XKR4: variants seen among roughly 807,000 people sequenced by gnomAD.
XKR4 encodes XK-related protein 4.
Under a neutral mutation model 53.9 loss-of-function variants are expected in XKR4, and 12 were observed. The observed-to-expected ratio is 0.22, with a 90% confidence interval of 0.14 to 0.36. XKR4 has a LOEUF of 0.36. XKR4 is among the 10% of genes least tolerant of loss of function. The pLI, the probability that XKR4 is intolerant of heterozygous loss-of-function variation, is 1.00. For missense variants in XKR4, 799 were observed against 859.5 expected, an observed-to-expected ratio of 0.93 and a Z score of 0.88; for synonymous variants, 354 against 362.4, an observed-to-expected ratio of 0.98 and a Z score of 0.26.
At chr8:55,496,005 T>G (rs1157933725) in intron 2 of XKR4, among the ~76,000 whole-genome samples, 1 of 152,222 alleles carries the variant, frequency 6.6e-6, no homozygotes, top group African/African-American at 2.4e-5. Context: ...AACTTGAGAC[T>G]ATGAAGTCAG....
At chr8:55,456,202 CG>C (rs1805566914) in intron 2 of XKR4, among the ~76,000 whole-genome samples, 1 of 152,092 alleles carries the variant, frequency 6.6e-6, no homozygotes, top group Admixed American at 6.5e-5. Context: ...AAGGCCAAGG[CG>C]GGCGGATCAC....
At position 55,394,153 on chromosome 8, in the gene XKR4, C is replaced by A. The variant is rs138510588; in HGVS notation, c.1006+36276C>A. On this transcript the variant is annotated intron_variant, in intron 2 of 2. Coordinates refer to ENST00000327381, the MANE Select transcript of XKR4 (RefSeq NM_052898.2). ...AGAAAACCTAATTCTCAAAAGAAAACCAAACCAATTTTTACATTCACTATT... is the reference window on the plus strand; with the variant it reads ...AGAAAACCTAATTCTCAAAAGAAAAACAAACCAATTTTTACATTCACTATT... Among the ~76,000 whole-genome samples, 62 of 152,288 alleles carry A rather than the reference C, an allele frequency of 4.1e-4. 1 individual carries two copies. The highest frequency in any genetic ancestry group is 1.4e-3 in the African/African-American group (59 of 41,564).
intron 2 of XKR4, among the ~76,000 whole-genome samples, chr8:55,378,145 A>G (rs1804176979): frequency 6.6e-6 from 1 of 152,254 alleles, no homozygotes; most frequent in African/African-American, 2.4e-5. Flanking sequence ...TTGAAACAAG[A>G]CTACATTAAC....
chr8:55,441,247 A>T (rs1290189423), intron 2 of XKR4, among the ~76,000 whole-genome samples: 1 of 133,432 alleles, frequency 7.5e-6, no homozygotes, highest in East Asian at 2.0e-4. Context: ...CTCAAGAAAA[A>T]ACATAAAAAA....
At chr8:55,375,411 TA>T (rs1804132124) in intron 2 of XKR4, among the ~76,000 whole-genome samples, 1 of 152,162 alleles carries the variant, frequency 6.6e-6, no homozygotes, top group Non-Finnish European at 1.5e-5. Context: ...GTTTCTCTCC[TA>T]AATGGATGTG....
Position 55,349,915 on chromosome 8 carries a change from A to T in XKR4, c.807-7763A>T, listed in dbSNP as rs375535143. Among the ~76,000 whole-genome samples, 4 of 152,342 alleles carry T rather than the reference A, an allele frequency of 2.6e-5. No individual in the cohort carries two copies. In the South Asian group the frequency reaches 6.2e-4, roughly 24 times the overall value. ...ATGAAAGTTTATTACAGCATTGTTT[A>T]TGAATTTCAAAAATAACAATGACAC... On this transcript the variant is annotated intron_variant, in intron 1 of 2. Coordinates refer to ENST00000327381, the MANE Select transcript of XKR4 (RefSeq NM_052898.2).
intron 2 of XKR4, among the ~76,000 whole-genome samples, chr8:55,360,160 C>G (rs1458225239): frequency 1.3e-5 from 2 of 152,158 alleles, no homozygotes; most frequent in African/African-American, 4.8e-5. Context: ...CTTATTGCTA[C>G]TGATTTTTTA....
intron 2 of XKR4, chr8:55,452,715 GC>G: frequency 9.2e-7 from 1 of 1,084,524 alleles, no homozygotes; most frequent in Non-Finnish European, 1.4e-6. Context: ...GTGGACCACA[GC>G]CCCAGCTACA....
chr8:55,133,474 A>G (rs1481820500), intron 1 of XKR4, among the ~76,000 whole-genome samples: 1 of 152,150 alleles, frequency 6.6e-6, no homozygotes, highest in South Asian at 2.1e-4. Context: ...ATTCAGTTCA[A>G]TGGTTGGTCT....
At chr8:55,373,824 T>A (rs1414898270) in intron 2 of XKR4, among the ~76,000 whole-genome samples, 1 of 152,194 alleles carries the variant, frequency 6.6e-6, no homozygotes, top group East Asian at 1.9e-4. Context: ...TTTTTTTTTT[T>A]AATGTTTTGT....
At chr8:55,443,335 T>C (rs1805297290) in intron 2 of XKR4, among the ~76,000 whole-genome samples, 1 of 151,306 alleles carries the variant, frequency 6.6e-6, no homozygotes, top group Non-Finnish European at 1.5e-5. Flanking sequence ...AACAAATTAA[T>C]GGAGGCACAT....
At chr8:55,433,528 A>C (rs1174202718) in intron 2 of XKR4, among the ~76,000 whole-genome samples, 3 of 152,266 alleles carry the variant, frequency 2.0e-5, no homozygotes, top group Non-Finnish European at 4.4e-5. Context: ...TCATTTGTAC[A>C]TAAAGAGAAG....
In XKR4 at chr8:55,161,568, G is replaced by T. The variant is rs142087138; in HGVS notation, c.806+58274G>T. On this transcript the variant is annotated intron_variant, in intron 1 of 2. Transcript: ENST00000327381. Reference sequence around the variant, plus strand: ...TCCCACTACTGCTGCTGTCTGTCCGGTCCTAGACAAGTTGTCTGCATTTGT... The same window carrying T: ...TCCCACTACTGCTGCTGTCTGTCCGTTCCTAGACAAGTTGTCTGCATTTGT... 1,733 of 456,296 alleles carry T rather than the reference G, an allele frequency of 3.8e-3. 27 individuals carry two copies. The highest frequency in any genetic ancestry group is 0.024 in the East Asian group (341 of 14,388). The allele number at this position is 456,296 out of a possible 1,614,324, so 28.3% of individuals were successfully genotyped here.
intron 2 of XKR4, among the ~76,000 whole-genome samples, chr8:55,401,055 G>A (rs1212711269): frequency 9.2e-5 from 14 of 152,206 alleles, no homozygotes; most frequent in African/African-American, 3.4e-4. Context: ...ACCTGACTAG[G>A]TCAAGTCCAG....
chr8:55,217,819 C>T (rs1323286917), intron 1 of XKR4, among the ~76,000 whole-genome samples: 1 of 152,084 alleles, frequency 6.6e-6, no homozygotes, highest in Admixed American at 6.5e-5. Flanking sequence ...CAGAAGACTG[C>T]TTTGCAATGG....
At chr8:55,417,829 T>C (rs945245931) in intron 2 of XKR4, among the ~76,000 whole-genome samples, 1 of 152,078 alleles carries the variant, frequency 6.6e-6, no homozygotes, top group African/African-American at 2.4e-5. Context: ...GTTGGGGAGA[T>C]CATCACCACA....
At chr8:55,327,806 G>A (rs1404129966) in intron 1 of XKR4, among the ~76,000 whole-genome samples, 1 of 152,122 alleles carries the variant, frequency 6.6e-6, no homozygotes, top group Non-Finnish European at 1.5e-5. Flanking sequence ...TGACTTTTGT[G>A]ACATTTTACA....
At chr8:55,448,220 T>C (rs1408327696) in intron 2 of XKR4, among the ~76,000 whole-genome samples, 1 of 152,222 alleles carries the variant, frequency 6.6e-6, no homozygotes, top group East Asian at 1.9e-4. Context: ...CTTCATTTTA[T>C]TCATATAAAA....
At chr8:55,410,720 T>C (rs549169789) in intron 2 of XKR4, among the ~76,000 whole-genome samples, 10 of 152,244 alleles carry the variant, frequency 6.6e-5, no homozygotes, top group South Asian at 6.2e-4. Context: ...ATCCACCTCC[T>C]GACATCCAGG....
Sources: allele counts gnomAD v4.1 joint callset (sites outside exome capture counted in the v4.1 genomes callset), GRCh38; gene constraint gnomAD v4.1.1; transcripts MANE v1.5; gene names NCBI Gene and HGNC (gene_info 2026-07-23, HGNC 2026-07-21).